Variants in LUZP2 observed in about 807,000 individuals in gnomAD.
LUZP2 encodes leucine zipper protein 2.
A neutral mutation model predicts 51.6 loss-of-function variants in LUZP2; 52 were observed. That is an observed-to-expected ratio of 1.01 (90% CI 0.81 to 1.27). The LOEUF (loss-of-function observed/expected upper bound fraction) is 1.27, where lower values mean the gene tolerates loss of function less well. LUZP2 is among the 50% of genes most tolerant of loss of function. LUZP2 has a pLI of 0.00. For synonymous variants in LUZP2, 154 were observed against 137.3 expected (o/e 1.12, Z -0.85); for missense variants, 436 against 395.4 (o/e 1.10, Z -0.87).
intron 1 of LUZP2, among the ~76,000 whole-genome samples, chr11:24,529,700 C>A (rs1404340378): frequency 9.3e-5 from 14 of 150,672 alleles, no homozygotes; most frequent in Non-Finnish European, 1.9e-4. Flanking sequence ...TGAAATTTCC[C>A]CCCATTTAAT....
At chr11:24,978,554 T>C (rs1442716398) in intron 8 of LUZP2, among the ~76,000 whole-genome samples, 1 of 151,816 alleles carries the variant, frequency 6.6e-6, no homozygotes, top group Non-Finnish European at 1.5e-5. Context: ...ATAATCCTTT[T>C]AGTCAGTCAA....
intron 7 of LUZP2, among the ~76,000 whole-genome samples, chr11:24,975,093 A>T (rs1855849784): frequency 6.6e-6 from 1 of 152,080 alleles, no homozygotes; most frequent in East Asian, 1.9e-4. Context: ...ATAACCTCTC[A>T]CATGCTCTAT....
At chr11:24,630,036 G>T (rs1312767921) in intron 1 of LUZP2, among the ~76,000 whole-genome samples, 1 of 151,474 alleles carries the variant, frequency 6.6e-6, no homozygotes, top group African/African-American at 2.4e-5. Flanking sequence ...TGTTTAATGG[G>T]ATTACTTTTT....
At chr11:24,964,217 A>G (rs1172020254) in intron 7 of LUZP2, among the ~76,000 whole-genome samples, 1 of 152,164 alleles carries the variant, frequency 6.6e-6, no homozygotes, top group Non-Finnish European at 1.5e-5. Flanking sequence ...GATTAATGAG[A>G]ATATTTAGAT....
At chr11:24,870,774 GA>G (rs1852045847) in intron 5 of LUZP2, among the ~76,000 whole-genome samples, 1 of 152,110 alleles carries the variant, frequency 6.6e-6, no homozygotes, top group East Asian at 1.9e-4. Context: ...AAATTTTATT[GA>G]AAACACAAGA....
chr11:24,865,780 ATG>A (rs71044316), intron 5 of LUZP2, among the ~76,000 whole-genome samples: 146,026 of 149,162 alleles, frequency 0.98, 71,499 homozygotes, highest in East Asian at 1. Context: ...ATGCATGTAT[ATG>A]TGTGTGTGTG....
intron 9 of LUZP2, among the ~76,000 whole-genome samples, chr11:24,989,711 T>G (rs988647698): frequency 6.6e-6 from 1 of 152,100 alleles, no homozygotes; most frequent in Non-Finnish European, 1.5e-5. Flanking sequence ...CTTGCCAAAT[T>G]TCTAGATGTC....
chr11:24,821,827 C>T (rs1850367594), intron 5 of LUZP2, among the ~76,000 whole-genome samples: 1 of 151,288 alleles, frequency 6.6e-6, no homozygotes, highest in African/African-American at 2.4e-5. Flanking sequence ...ACAGTCCTTC[C>T]AAACCTTTTT....
intron 4 of LUZP2, among the ~76,000 whole-genome samples, chr11:24,749,882 G>T (rs983168867): frequency 6.6e-6 from 1 of 152,114 alleles, no homozygotes; most frequent in Non-Finnish European, 1.5e-5. Context: ...TTTGGATTCC[G>T]ACTGAGCCGC....
intron 9 of LUZP2, among the ~76,000 whole-genome samples, chr11:25,004,857 A>T (rs533315160): frequency 1.3e-3 from 194 of 152,264 alleles, no homozygotes; most frequent in African/African-American, 4.5e-3. Flanking sequence ...TTCAGCTGTC[A>T]TTCTGTCATT....
intron 1 of LUZP2, among the ~76,000 whole-genome samples, chr11:24,620,218 TTTCCCACTG>T (rs1854447043): frequency 6.6e-6 from 1 of 152,132 alleles, no homozygotes; most frequent in Non-Finnish European, 1.5e-5. Flanking sequence ...ATTTGTGTAC[TTTCCCACTG>T]TTAGGGAATA....
At chr11:24,998,103 G>T (rs1405072229) in intron 9 of LUZP2, among the ~76,000 whole-genome samples, 1 of 152,100 alleles carries the variant, frequency 6.6e-6, no homozygotes, top group Non-Finnish European at 1.5e-5. Context: ...GGCGATGCGG[G>T]CTCTGTTTCG....
intron 5 of LUZP2, among the ~76,000 whole-genome samples, chr11:24,778,858 C>T (rs1486699): frequency 0.12 from 17,981 of 152,096 alleles, 1,274 homozygotes; most frequent in East Asian, 0.39. Context: ...AATTCAAAAA[C>T]TATAAATTCT....
At chr11:24,804,912 T>C (rs1486872584) in intron 5 of LUZP2, among the ~76,000 whole-genome samples, 1 of 152,080 alleles carries the variant, frequency 6.6e-6, no homozygotes, top group Non-Finnish European at 1.5e-5. Context: ...CAATCTTGGC[T>C]CACTGCAACC....
intron 7 of LUZP2, among the ~76,000 whole-genome samples, chr11:24,926,825 C>T (rs115303015): frequency 2.0e-3 from 309 of 151,738 alleles, no homozygotes; most frequent in African/African-American, 7.1e-3. Context: ...CACTGTTTCT[C>T]ATAGTGGTTG....
rs796939172 is a variant in LUZP2, at chr11:24,927,808, AT to A, written c.522+13273del. Among the ~76,000 whole-genome samples the A allele has an allele frequency of 1.7e-3, 256 of 152,008 alleles. 3 individuals are homozygous for A. The highest frequency in any genetic ancestry group is 6.0e-3 in the African/African-American group (248 of 41,470). ...GGTATTTTGATGGAAATTACACTGA[AT>A]TTGTAAGTGGCTTTTGGTGGTATGG... On this transcript the variant is annotated intron_variant, in intron 7 of 11. Coordinates refer to ENST00000336930, the MANE Select transcript of LUZP2 (RefSeq NM_001009909.4).
At chr11:24,865,169 C>G (rs983186836) in intron 5 of LUZP2, among the ~76,000 whole-genome samples, 3 of 152,240 alleles carry the variant, frequency 2.0e-5, no homozygotes, top group African/African-American at 7.2e-5. Context: ...AACAGCTGTG[C>G]CATGTACTAC....
intron 7 of LUZP2, among the ~76,000 whole-genome samples, chr11:24,938,597 A>G (rs1272730315): frequency 6.6e-6 from 1 of 152,070 alleles, no homozygotes; most frequent in Non-Finnish European, 1.5e-5. Flanking sequence ...CTAATTGAGC[A>G]GAAACTATGT....
At chr11:24,914,023 G>C (rs981991247) in intron 6 of LUZP2, among the ~76,000 whole-genome samples, 2 of 152,004 alleles carry the variant, frequency 1.3e-5, no homozygotes, top group African/African-American at 4.8e-5. Context: ...TATTGTAGCA[G>C]CTTTTCTTGC....
Sources: gnomAD v4.1 joint callset for allele counts (sites outside exome capture counted in the v4.1 genomes callset) on GRCh38, gnomAD v4.1.1 for gene constraint, MANE v1.5 for transcripts, NCBI Gene and HGNC (gene_info 2026-07-23, HGNC 2026-07-21) for gene names.